Variants in ASIP observed in about 807,000 individuals in gnomAD.
The protein encoded by ASIP is agouti signaling protein, also known as agouti-signaling protein.
ASIP carries 11 observed loss-of-function variants against 10.3 expected under a neutral mutation model. That is an observed-to-expected ratio of 1.07 (90% CI 0.68 to 1.78). The LOEUF (loss-of-function observed/expected upper bound fraction) is 1.78, where lower values mean the gene tolerates loss of function less well. Ranked by LOEUF, ASIP falls within the 40% of genes most tolerant of loss-of-function variation. ASIP has a pLI of 0.00. For missense variants in ASIP, 180 were observed against 169.2 expected (o/e 1.06, Z -0.35); for synonymous variants, 70 against 70.8 (o/e 0.99, Z 0.06).
At chr20:34,198,252 G>C (rs970942551) in intron 1 of ASIP, among the ~76,000 whole-genome samples, 1 of 151,842 alleles carries the variant, frequency 6.6e-6, no homozygotes, top group Non-Finnish European at 1.5e-5. Flanking sequence ...ACCACACCCA[G>C]CTAATTTTTG....
At chr20:34,208,729 T>G (rs903870745) in intron 1 of ASIP, among the ~76,000 whole-genome samples, 1 of 152,220 alleles carries the variant, frequency 6.6e-6, no homozygotes, top group Non-Finnish European at 1.5e-5. Context: ...TTTAACAATA[T>G]TGATTCTTCC....
chr20:34,215,856 C>T, intron 1 of ASIP: 1 of 1,280,254 alleles, frequency 7.8e-7, no homozygotes, highest in South Asian at 1.2e-5. Flanking sequence ...TCTGAATCAG[C>T]ATTTGGATTT....
chr20:34,232,560 G>A (rs1163629276), intron 1 of ASIP, among the ~76,000 whole-genome samples: 1 of 152,156 alleles, frequency 6.6e-6, no homozygotes, highest in Non-Finnish European at 1.5e-5. Flanking sequence ...AACCACCTGT[G>A]AATAAGTCTC....
chr20:34,200,965 TTTCTTTCCTTCC>T lies in ASIP; in HGVS notation c.-11+6209_-11+6220del, dbSNP rs1300593862. On this transcript the variant is annotated intron_variant, in intron 1 of 3. Coordinates refer to the ASIP transcript ENST00000568305. ...AAACTTGATTTTCTTTCTTTCTTTC[TTTCTTTCCTTCC>T]TTCCTTCCTTCCTTCCTTCCTTCCT... 2.3e-4 allele frequency among the ~76,000 whole-genome samples: 20 copies of T among 87,714 alleles called. 2 individuals are homozygous for T. The South Asian group carries it at 4.7e-3, about 21-fold the overall frequency. 57.5% of individuals were successfully genotyped at this position (87,714 alleles called of 152,430 possible). A position where few individuals can be genotyped will look rare whatever the true frequency, so the allele number is the denominator to read the frequency against.
intron 1 of ASIP, among the ~76,000 whole-genome samples, chr20:34,244,745 AG>A (rs1215274368): frequency 6.6e-6 from 1 of 152,214 alleles, no homozygotes; most frequent in Non-Finnish European, 1.5e-5. Context: ...CATGGTTTTA[AG>A]GCTTTTAGCA....
At chr20:34,191,068 G>A (rs2034822004), upstream of ASIP, among the ~76,000 whole-genome samples, 1 of 152,206 alleles carries the variant, frequency 6.6e-6, no homozygotes, top group African/African-American at 2.4e-5. Flanking sequence ...AACAAATCAA[G>A]CTGGAGGCTT....
intron 1 of ASIP, among the ~76,000 whole-genome samples, chr20:34,196,842 C>T (rs1183237732): frequency 6.6e-6 from 1 of 152,158 alleles, no homozygotes; most frequent in African/African-American, 2.4e-5. Flanking sequence ...ATCATCACCA[C>T]AAAGGTAGGA....
intron 1 of ASIP, chr20:34,214,668 C>T: frequency 1.9e-6 from 2 of 1,080,224 alleles, no homozygotes; most frequent in East Asian, 2.3e-5. Context: ...ATTCTACAAA[C>T]ATGGCTTTAT....
chr20:34,259,156 C>T (rs1601610996), intron 1 of ASIP, among the ~76,000 whole-genome samples: 1 of 151,118 alleles, frequency 6.6e-6, no homozygotes, highest in Admixed American at 6.6e-5. Flanking sequence ...ACTGCAGTGG[C>T]CCAAGATTGT....
chr20:34,227,851 C>A (rs2035103339), intron 1 of ASIP, among the ~76,000 whole-genome samples: 1 of 152,212 alleles, frequency 6.6e-6, no homozygotes, highest in South Asian at 2.1e-4. Flanking sequence ...GAAGACTTCA[C>A]TCTCCCTGAC....
At chr20:34,214,393 T>A in intron 1 of ASIP, 1 of 1,365,756 alleles carries the variant, frequency 7.3e-7, no homozygotes, top group Non-Finnish European at 1.0e-6. Context: ...TGATAGGAAC[T>A]GACTCCTGAT....
chr20:34,247,369 C>T (rs1003513794), intron 1 of ASIP, among the ~76,000 whole-genome samples: 5 of 145,888 alleles, frequency 3.4e-5, no homozygotes, highest in African/African-American at 1.3e-4. Context: ...GGTGTGATCT[C>T]GGCTCACTGC....
intron 1 of ASIP, among the ~76,000 whole-genome samples, chr20:34,209,547 GTC>G (rs1479773171): frequency 2.6e-5 from 4 of 152,250 alleles, no homozygotes; most frequent in Non-Finnish European, 5.9e-5. Context: ...GCTCAGAGAA[GTC>G]TGCTCCCACT....
chr20:34,241,105 G>A (rs534215227), upstream of ASIP, among the ~76,000 whole-genome samples: 20 of 152,316 alleles, frequency 1.3e-4, no homozygotes, highest in Non-Finnish European at 2.2e-4. Context: ...CACTTGCACC[G>A]TAAATAGGAG....
chr20:34,223,497 G>A (rs1212313635), intron 1 of ASIP, among the ~76,000 whole-genome samples: 1 of 148,588 alleles, frequency 6.7e-6, no homozygotes, highest in African/African-American at 2.5e-5. Context: ...GGAGGGAGGT[G>A]GGGGGTCAGC....
At chr20:34,219,439 G>A (rs1471297923) in intron 1 of ASIP, among the ~76,000 whole-genome samples, 1 of 152,176 alleles carries the variant, frequency 6.6e-6, no homozygotes. Flanking sequence ...TAGTGTATTT[G>A]CAAAGCCAAG....
intron 3 of ASIP, among the ~76,000 whole-genome samples, chr20:34,264,783 TACTTC>T (rs2035755600): frequency 6.7e-6 from 1 of 148,600 alleles, no homozygotes; most frequent in Non-Finnish European, 1.5e-5. Context: ...TTCCCTAGTT[TACTTC>T]ATTTTTTTTT....
At chr20:34,266,565 T>C (rs1452158573) in intron 3 of ASIP, among the ~76,000 whole-genome samples, 5 of 151,274 alleles carry the variant, frequency 3.3e-5, no homozygotes, top group Non-Finnish European at 7.4e-5. Context: ...CCCAGCTACC[T>C]GGGAGACTGA....
At position 34,211,212 on chromosome 20, in the gene ASIP, T is replaced by G. The variant is rs1375518067; in HGVS notation, c.-11+16452T>G. On this transcript the variant is annotated intron_variant, in intron 1 of 3. Coordinates refer to the ASIP transcript ENST00000568305. ...GCCTGGCTCGATTTTTATTTAATGT[T>G]TTATAGAGACAGGTTCTCACTGTTG... Among the ~76,000 whole-genome samples the G allele has an allele frequency of 3.3e-5, 5 of 152,190 alleles. No homozygotes were observed. In the East Asian group the frequency reaches 9.7e-4, roughly 29 times the overall value.
Sources: allele counts gnomAD v4.1 joint callset (sites outside exome capture counted in the v4.1 genomes callset), GRCh38; gene constraint gnomAD v4.1.1; transcripts MANE v1.5; gene names NCBI Gene and HGNC (gene_info 2026-07-23, HGNC 2026-07-21).